The following PRKG1 variants were observed in gnomAD, a reference collection of about 807,000 sequenced individuals.
The protein encoded by PRKG1 is cGMP-dependent protein kinase 1.
A neutral mutation model predicts 88.1 loss-of-function variants in PRKG1; 35 were observed. That is an observed-to-expected ratio of 0.40 (90% CI 0.30 to 0.53). PRKG1 has a LOEUF of 0.53. Among genes scored for constraint, PRKG1 ranks in the 20% least tolerant of loss-of-function variants. The probability of loss-of-function intolerance (pLI) is 0.59; values close to 1 mark genes in which losing one functional copy is unlikely to be tolerated. For synonymous variants in PRKG1, 303 were observed against 292.5 expected, an observed-to-expected ratio of 1.04 and a Z score of -0.37; for missense variants, 540 against 839.8, an observed-to-expected ratio of 0.64 and a Z score of 4.41.
At chr10:52,177,295 G>C (rs1048146005) in intron 9 of PRKG1, among the ~76,000 whole-genome samples, 21 of 151,956 alleles carry the variant, frequency 1.4e-4, no homozygotes, top group Admixed American at 4.6e-4. Flanking sequence ...TCTGTTGATG[G>C]TATGTATGAC....
chr10:51,917,120 G>T (rs932463656), intron 5 of PRKG1, among the ~76,000 whole-genome samples: 1 of 151,890 alleles, frequency 6.6e-6, no homozygotes, highest in Non-Finnish European at 1.5e-5. Flanking sequence ...AAGTTTGAGA[G>T]CAGCCTGCCC....
In PRKG1 at chr10:51,990,563, A is replaced by G. The variant is rs1436202661; in HGVS notation, c.763-63921A>G. Among the ~76,000 whole-genome samples, 3 of 151,856 alleles carry G rather than the reference A, an allele frequency of 2.0e-5. No individual in the cohort carries two copies. The East Asian group carries it at 5.8e-4, about 29-fold the overall frequency. Reference sequence around the variant, plus strand: ...TATAATCTTTCAGGTAATTTGTATTATTTTTATAACTTTTATTTTAAGTTC... The same window carrying G: ...TATAATCTTTCAGGTAATTTGTATTGTTTTTATAACTTTTATTTTAAGTTC... On this transcript the variant is annotated intron_variant, in intron 5 of 17. Transcript: ENST00000373980.
intron 1 of PRKG1, among the ~76,000 whole-genome samples, chr10:51,152,901 T>G (rs1846109146): frequency 6.6e-6 from 1 of 151,766 alleles, no homozygotes. Context: ...TGGACTTGTA[T>G]GATTTTGTTG....
chr10:51,963,484 G>A (rs1368372777), intron 5 of PRKG1, among the ~76,000 whole-genome samples: 1 of 151,854 alleles, frequency 6.6e-6, no homozygotes, highest in Non-Finnish European at 1.5e-5. Flanking sequence ...TTTTAAGAGA[G>A]AGTCTTGCTC....
intron 17 of PRKG1, among the ~76,000 whole-genome samples, chr10:52,292,254 C>T (rs983594130): frequency 6.6e-6 from 1 of 151,110 alleles, no homozygotes; most frequent in Admixed American, 6.6e-5. Flanking sequence ...AGTGCAGGAG[C>T]TCTTTAGTTT....
intron 2 of PRKG1, among the ~76,000 whole-genome samples, chr10:51,239,984 C>T (rs1839108429): frequency 6.6e-6 from 1 of 152,096 alleles, no homozygotes; most frequent in Non-Finnish European, 1.5e-5. Flanking sequence ...TAATTGAAGA[C>T]CCAAGGAAGG....
chr10:51,789,891 G>A (rs566911437), intron 3 of PRKG1, among the ~76,000 whole-genome samples: 5 of 151,794 alleles, frequency 3.3e-5, no homozygotes, highest in South Asian at 4.2e-4. Flanking sequence ...GCACCACCTC[G>A]AGTCACTGCA....
intron 1 of PRKG1, among the ~76,000 whole-genome samples, chr10:51,138,328 A>G (rs1431671621): frequency 1.3e-5 from 2 of 152,202 alleles, no homozygotes; most frequent in Non-Finnish European, 2.9e-5. Flanking sequence ...GGTGTCATTT[A>G]TAATGCAATT....
In PRKG1 at chr10:51,253,090, A is replaced by G. The variant is rs16915893; in HGVS notation, c.478+99760A>G. 6.3e-3 allele frequency among the ~76,000 whole-genome samples: 954 copies of G among 151,990 alleles called. 9 individuals carry two copies. The highest frequency in any genetic ancestry group is 0.022 in the African/African-American group (899 of 41,528). ...AAATTCTGCCCTTTTTAGGTTTTCA[A>G]TTCATCGGAGAGCTACAGTTGTCAA... On this transcript the variant is annotated intron_variant, in intron 2 of 17. Coordinates refer to ENST00000373980, the MANE Select transcript of PRKG1 (RefSeq NM_006258.4).
At chr10:51,305,692 G>A (rs531530440) in intron 2 of PRKG1, among the ~76,000 whole-genome samples, 1 of 152,202 alleles carries the variant, frequency 6.6e-6, no homozygotes, top group East Asian at 1.9e-4. Flanking sequence ...ACCAAAATAG[G>A]ATTCCTTTTT....
At chr10:51,367,978 T>C (rs1842624297) in intron 2 of PRKG1, among the ~76,000 whole-genome samples, 1 of 151,942 alleles carries the variant, frequency 6.6e-6, no homozygotes. Context: ...CTCTCCTTTC[T>C]GATTATAGTG....
At chr10:51,207,387 G>A (rs578167563) in intron 2 of PRKG1, among the ~76,000 whole-genome samples, 1 of 152,200 alleles carries the variant, frequency 6.6e-6, no homozygotes, top group African/African-American at 2.4e-5. Context: ...AGAATGAAAA[G>A]ACGAGAGTGT....
intron 5 of PRKG1, among the ~76,000 whole-genome samples, chr10:52,007,650 G>T (rs961731325): frequency 6.6e-6 from 1 of 152,140 alleles, no homozygotes; most frequent in Non-Finnish European, 1.5e-5. Flanking sequence ...CTTATGAAGA[G>T]ATGTGAATTC....
chr10:51,176,667 A>C lies in PRKG1; in HGVS notation c.478+23337A>C, dbSNP rs147513712. On this transcript the variant is annotated intron_variant, in intron 2 of 17. Coordinates refer to ENST00000373980, the MANE Select transcript of PRKG1 (RefSeq NM_006258.4). ...ATTCAGTGTCAGGGGAAATTTTTCT[A>C]AAGTGGTGACAGGGATGCTGATCTA... is the stretch of plus-strand genomic sequence containing the variant. 7.3e-4 allele frequency among the ~76,000 whole-genome samples: 111 copies of C among 152,284 alleles called. 3 individuals are homozygous for C. The East Asian group carries it at 0.018, about 24-fold the overall frequency.
intron 2 of PRKG1, among the ~76,000 whole-genome samples, chr10:51,178,523 G>T (rs979392861): frequency 6.6e-6 from 1 of 152,072 alleles, no homozygotes; most frequent in African/African-American, 2.4e-5. Context: ...TATAATCCCA[G>T]CTACTCTGGT....
chr10:51,327,373 C>T (rs911084497), intron 2 of PRKG1, among the ~76,000 whole-genome samples: 7 of 147,804 alleles, frequency 4.7e-5, no homozygotes, highest in Non-Finnish European at 8.9e-5. Context: ...GCCAGGATCG[C>T]ACCACTGTAC....
chr10:51,817,210 A>T (rs1438199560), intron 4 of PRKG1, among the ~76,000 whole-genome samples: 2 of 152,024 alleles, frequency 1.3e-5, no homozygotes, highest in African/African-American at 4.8e-5. Context: ...TTTTTTTTAA[A>T]TTATACTTTA....
intron 4 of PRKG1, among the ~76,000 whole-genome samples, chr10:51,863,673 C>T (rs1840943094): frequency 6.6e-6 from 1 of 152,142 alleles, no homozygotes; most frequent in South Asian, 2.1e-4. Flanking sequence ...TGCCCTTCCA[C>T]CATGAGATGG....
chr10:52,157,306 G>GAGATAGATATATAT (rs1289803162), intron 8 of PRKG1, among the ~76,000 whole-genome samples: 55 of 125,910 alleles, frequency 4.4e-4, no homozygotes, highest in African/African-American at 1.6e-3. Flanking sequence ...TGAGTTAGTT[G>GAGATAGATATATAT]ATATATATAT....
Sources: gnomAD v4.1 joint callset for allele counts (sites outside exome capture counted in the v4.1 genomes callset) on GRCh38, gnomAD v4.1.1 for gene constraint, MANE v1.5 for transcripts, NCBI Gene and HGNC (gene_info 2026-07-23, HGNC 2026-07-21) for gene names.